CNTRL: variants seen among roughly 807,000 people sequenced by gnomAD.
CNTRL encodes the protein centriolin.
CNTRL carries 233 observed loss-of-function variants against 303.7 expected under a neutral mutation model. The ratio of observed to expected loss-of-function variants is 0.77; its 90% CI spans 0.69 to 0.86. CNTRL has a LOEUF of 0.86. Ranked by LOEUF, CNTRL falls within the 40% of genes least tolerant of loss-of-function variation. CNTRL has a pLI of 0.00. For synonymous variants in CNTRL, 900 were observed against 922.2 expected (o/e 0.98, Z 0.44); for missense variants, 2,524 against 2,650.6 (o/e 0.95, Z 1.05).
intron 31 of CNTRL, among the ~76,000 whole-genome samples, chr9:121,159,385 G>C (rs1375570919): frequency 1.3e-5 from 2 of 152,174 alleles, no homozygotes; most frequent in Non-Finnish European, 2.9e-5. Flanking sequence ...TGTAATCCCA[G>C]CACTTTGGGA....
Position 121,173,507 on chromosome 9 carries a change from ATGG to A in CNTRL, c.6684_6684+2del. On this transcript the variant is annotated splice_donor_variant and coding_sequence_variant, in exon 41 of 44. Coordinates refer to ENST00000373855, the MANE Select transcript of CNTRL (RefSeq NM_007018.6). LOFTEE classifies it high-confidence loss of function. ...ACTGAACTTTTCCCAAGTTCACATAATGGTAAGGGTTTATCCTGCTATTCTCTG... is the reference window on the plus strand; with the variant it reads ...ACTGAACTTTTCCCAAGTTCACATAATAAGGGTTTATCCTGCTATTCTCTG... 1 of 1,613,248 alleles carries A rather than the reference ATGG, an allele frequency of 6.2e-7. No individual in the cohort carries two copies. The highest frequency in any genetic ancestry group is 8.5e-7 in the Non-Finnish European group (1 of 1,179,812).
intron 26 of CNTRL, among the ~76,000 whole-genome samples, chr9:121,154,296 T>A (rs2134324702): frequency 6.6e-6 from 1 of 152,352 alleles, no homozygotes; most frequent in South Asian, 2.1e-4. Context: ...TTCAGCCGAA[T>A]GGAATAAATC....
intron 14 of CNTRL, among the ~76,000 whole-genome samples, chr9:121,130,138 G>A (rs965726095): frequency 6.6e-6 from 1 of 152,188 alleles, no homozygotes; most frequent in Non-Finnish European, 1.5e-5. Context: ...TCAGGATGAT[G>A]CTGGCCTCAT....
intron 43 of CNTRL, 99 bp downstream of exon 43, chr9:121,175,323 T>C (rs3789310): frequency 0.45 from 459,209 of 1,024,450 alleles, 108,651 homozygotes; most frequent in South Asian, 0.66. Flanking sequence ...CTGGAGTGCA[T>C]TGGTACCATC....
chr9:121,112,972 A>G (rs568766165), intron 9 of CNTRL, among the ~76,000 whole-genome samples: 7 of 152,330 alleles, frequency 4.6e-5, no homozygotes, highest in African/African-American at 7.2e-5. Context: ...GTATTAATCA[A>G]TCATGACTGG....
At position 121,173,158 on chromosome 9, in the gene CNTRL, T is replaced by C. The variant is rs1056521685; in HGVS notation, c.6418-85T>C. 96 of 1,232,962 alleles carry C rather than the reference T, an allele frequency of 7.8e-5. 1 individual carries two copies. The Admixed American group carries it at 2.2e-3, about 28-fold the overall frequency. 76.4% of individuals were successfully genotyped at this position (1,232,962 alleles called of 1,614,324 possible). On this transcript the variant is annotated intron_variant, in intron 40 of 43. Coordinates refer to ENST00000373855, the MANE Select transcript of CNTRL (RefSeq NM_007018.6). Reference sequence around the variant, plus strand: ...CATAGTAGTTGATATTTATAGATCTTTAAATACATGGCACATCATACAGCT... The same window carrying C: ...CATAGTAGTTGATATTTATAGATCTCTAAATACATGGCACATCATACAGCT...
At chr9:121,105,698 T>C (rs1345167342) in intron 7 of CNTRL, among the ~76,000 whole-genome samples, 1 of 152,144 alleles carries the variant, frequency 6.6e-6, no homozygotes, top group African/African-American at 2.4e-5. Context: ...AGAGAGGAAG[T>C]GGTCAACTCT....
chr9:121,104,845 G>A (rs868643130), intron 7 of CNTRL, among the ~76,000 whole-genome samples: 2 of 151,972 alleles, frequency 1.3e-5, no homozygotes, highest in Admixed American at 1.3e-4. Context: ...GGGATTACAG[G>A]CATGCACCAC....
intron 13 of CNTRL, among the ~76,000 whole-genome samples, chr9:121,125,021 T>A (rs1041286081): frequency 2.0e-5 from 3 of 151,816 alleles, no homozygotes; most frequent in Non-Finnish European, 4.4e-5. Context: ...GTACATGGGA[T>A]GTGTGTGTTT....
At chr9:121,154,208 T>C (rs1311748422) in intron 26 of CNTRL, among the ~76,000 whole-genome samples, 1 of 151,858 alleles carries the variant, frequency 6.6e-6, no homozygotes, top group East Asian at 1.9e-4. Context: ...TTTCAAATAA[T>C]TTCATCATGT....
intron 11 of CNTRL, among the ~76,000 whole-genome samples, chr9:121,116,054 T>A (rs2049960831): frequency 6.6e-6 from 1 of 150,688 alleles, no homozygotes; most frequent in Non-Finnish European, 1.5e-5. Flanking sequence ...GGAAAAAAAA[T>A]ATTTATTTAA....
In CNTRL at chr9:121,144,946, A is replaced by G; in HGVS notation, c.3155A>G (p.Gln1052Arg). The part of the protein sequence containing the change: ...EIELLQNLLR[Q>R]KGEQFRLEME... ...GAACTCCTGCAGAATCTCCTCAGGC[A>G]GAAGGGGGAGCAGGTCAGTGTTGGT... is the stretch of plus-strand genomic sequence containing the variant. The change falls in exon 21 of 44, where the codon CAG (glutamine) becomes CGG (arginine). Residue 1052 changes from glutamine to arginine, a missense_variant. By Grantham distance (43) the Gln-to-Arg change is conservative. Coordinates refer to ENST00000373855, the MANE Select transcript of CNTRL (RefSeq NM_007018.6). 3 of 1,613,196 alleles carry G rather than the reference A, an allele frequency of 1.9e-6. No homozygotes were observed. The highest frequency in any genetic ancestry group is 1.3e-5 in the African/African-American group (1 of 75,030).
Position 121,094,931 on chromosome 9 carries a change from A to G in CNTRL, c.392A>G (p.Asn131Ser), listed in dbSNP as rs1297498582. ...AAATGTGTTAAACTTGAAGTACTGA[A>G]TCTCAGCTATAATCTAATAGGGAAG... ...LEKCVKLEVL[N>S]LSYNLIGKIE... The change falls in exon 5 of 44, where the codon AAT becomes AGT. Residue 131 changes from asparagine to serine, a missense_variant. Asn to Ser is a conservative substitution (Grantham distance 46, BLOSUM62 1). Coordinates refer to ENST00000373855, the MANE Select transcript of CNTRL (RefSeq NM_007018.6). 3 of 1,591,826 alleles carry G rather than the reference A, an allele frequency of 1.9e-6. No homozygotes were observed. Among genetic ancestry groups the G allele is most frequent in the Non-Finnish European group, 2.6e-6 (3 of 1,164,530 alleles).
intron 14 of CNTRL, among the ~76,000 whole-genome samples, chr9:121,127,271 G>A (rs995708169): frequency 1.3e-5 from 2 of 151,938 alleles, no homozygotes; most frequent in Non-Finnish European, 2.9e-5. Context: ...CCAGTGTTAT[G>A]CTATTGCAAA....
intron 3 of CNTRL, among the ~76,000 whole-genome samples, chr9:121,089,082 C>T (rs1267394346): frequency 2.6e-5 from 4 of 152,186 alleles, no homozygotes; most frequent in African/African-American, 9.7e-5. Flanking sequence ...GAGCATTTAA[C>T]TTCAAAAGTA....
At chr9:121,115,061 A>G (rs768854913) in intron 10 of CNTRL, 30 bp from the exon 11 acceptor site, 5 of 1,348,544 alleles carry the variant, frequency 3.7e-6, no homozygotes, top group Admixed American at 4.2e-5. Flanking sequence ...CTTGTTTCAT[A>G]TTATGTGAGC....
At position 121,161,921 on chromosome 9, in the gene CNTRL, C is replaced by T. The variant is rs2052871705; in HGVS notation, c.5155C>T (p.His1719Tyr). 4 of 1,614,184 alleles carry T rather than the reference C, an allele frequency of 2.5e-6. No individual in the cohort carries two copies. The East Asian group carries it at 6.7e-5, about 27-fold the overall frequency. ...TGAGCTACAAGGTTTGAAGCTACAACATGACCAAAGGGTATCTGAATTAGA... is the reference window on the plus strand; with the variant it reads ...TGAGCTACAAGGTTTGAAGCTACAATATGACCAAAGGGTATCTGAATTAGA... ...NHELQGLKLQHDQRVSELEKT... is the reference protein window; with the variant it reads ...NHELQGLKLQYDQRVSELEKT... The change falls in exon 33 of 44, where the codon CAT becomes TAT. Residue 1719 changes from histidine to tyrosine, a missense_variant. Physicochemically the swap from His to Tyr is moderately conservative, Grantham distance 83. Transcript: ENST00000373855.
chr9:121,165,258 C>A (rs556504270), intron 35 of CNTRL, among the ~76,000 whole-genome samples, 158 bp downstream of exon 35: 1 of 151,926 alleles, frequency 6.6e-6, no homozygotes, highest in Non-Finnish European at 1.5e-5. Flanking sequence ...TACTAAAAGC[C>A]TTTGAATTGT....
intron 4 of CNTRL, among the ~76,000 whole-genome samples, chr9:121,094,627 G>A (rs1260309514): frequency 6.6e-6 from 1 of 152,162 alleles, no homozygotes; most frequent in Non-Finnish European, 1.5e-5. Flanking sequence ...GACAGTGAGG[G>A]AAATCTTGTT....
Sources: allele counts gnomAD v4.1 joint callset (sites outside exome capture counted in the v4.1 genomes callset), GRCh38; gene constraint gnomAD v4.1.1; transcripts MANE v1.5; gene names NCBI Gene and HGNC (gene_info 2026-07-23, HGNC 2026-07-21).